Variants in CCDC3 observed in about 807,000 individuals in gnomAD.
CCDC3 encodes the protein coiled-coil domain-containing protein 3.
In CCDC3, 24 loss-of-function variants were observed where a neutral mutation model predicts 21.4. The ratio of observed to expected loss-of-function variants is 1.12; its 90% CI spans 0.81 to 1.58. CCDC3 has a LOEUF of 1.58. Ranked by LOEUF, CCDC3 falls within the 40% of genes most tolerant of loss-of-function variation. The probability of loss-of-function intolerance (pLI) is 0.00; values close to 1 mark genes in which losing one functional copy is unlikely to be tolerated. For synonymous variants in CCDC3, 186 were observed against 166.0 expected, an observed-to-expected ratio of 1.12 and a Z score of -0.93; for missense variants, 425 against 360.9, an observed-to-expected ratio of 1.18 and a Z score of -1.44.
intron 5 of CCDC3, among the ~76,000 whole-genome samples, chr10:13,023,857 T>G (rs555104144): frequency 1.3e-5 from 2 of 152,118 alleles, no homozygotes; most frequent in East Asian, 3.9e-4. Context: ...ACTAAAGAGG[T>G]GTGTTTTCTG....
intron 2 of CCDC3, among the ~76,000 whole-genome samples, chr10:12,974,914 A>G (rs79822332): frequency 2.0e-5 from 3 of 152,314 alleles, no homozygotes; most frequent in Non-Finnish European, 4.4e-5. Flanking sequence ...TATGCATTAG[A>G]GACTCACAGT....
At chr10:13,083,221 G>A (rs1018288762) in intron 3 of CCDC3, among the ~76,000 whole-genome samples, 1 of 152,172 alleles carries the variant, frequency 6.6e-6, no homozygotes, top group Non-Finnish European at 1.5e-5. Context: ...CAAACAATTA[G>A]AGCAGTACTT....
intron 2 of CCDC3, among the ~76,000 whole-genome samples, chr10:12,985,079 C>G (rs1345595059): frequency 2.0e-5 from 3 of 152,024 alleles, no homozygotes; most frequent in Non-Finnish European, 4.4e-5. Flanking sequence ...TTTTTTTACT[C>G]TACCCAAAAA....
chr10:12,946,413 AAACT>A (rs763840302), intron 2 of CCDC3, among the ~76,000 whole-genome samples: 17 of 152,352 alleles, frequency 1.1e-4, no homozygotes, highest in South Asian at 4.1e-4. Flanking sequence ...AACAAACTGA[AAACT>A]AACTAACTTA....
chr10:13,089,676 A>T (rs913711482), intron 3 of CCDC3, among the ~76,000 whole-genome samples: 7 of 151,864 alleles, frequency 4.6e-5, no homozygotes, highest in East Asian at 1.9e-4. Flanking sequence ...TTTTAAATTT[A>T]AATTTTAATT....
At chr10:12,904,887 C>T (rs2131197395) in intron 2 of CCDC3, among the ~76,000 whole-genome samples, 1 of 152,050 alleles carries the variant, frequency 6.6e-6, no homozygotes, top group South Asian at 2.1e-4. Context: ...CAGAAAGTCC[C>T]CCCCAGTTAT....
chr10:13,060,150 G>GAAACA (rs72059794), intron 4 of CCDC3, among the ~76,000 whole-genome samples: 12 of 151,716 alleles, frequency 7.9e-5, no homozygotes, highest in African/African-American at 1.7e-4. Context: ...TGTTTCATCA[G>GAAACA]AAACAAAACA....
At chr10:13,071,837 T>G (rs965809172) in intron 4 of CCDC3, among the ~76,000 whole-genome samples, 1 of 152,134 alleles carries the variant, frequency 6.6e-6, no homozygotes, top group Non-Finnish European at 1.5e-5. Context: ...GGGACTCCTC[T>G]AAAAAACACC....
intron 2 of CCDC3, among the ~76,000 whole-genome samples, chr10:12,905,439 A>G (rs1588998160): frequency 6.6e-6 from 1 of 152,208 alleles, no homozygotes; most frequent in Non-Finnish European, 1.5e-5. Context: ...GCAGGTGGGA[A>G]TAGGATGGGT....
chr10:13,074,724 A>T (rs1376716655), intron 3 of CCDC3, among the ~76,000 whole-genome samples: 4 of 152,096 alleles, frequency 2.6e-5, no homozygotes, highest in African/African-American at 4.8e-5. Flanking sequence ...ACACACTCAC[A>T]TGAGTTCCCC....
chr10:12,984,313 A>G (rs79970078), intron 2 of CCDC3, among the ~76,000 whole-genome samples: 2,337 of 152,312 alleles, frequency 0.015, 63 homozygotes, highest in African/African-American at 0.053. Flanking sequence ...GATGCTCGAC[A>G]TCATGAGTCA....
At chr10:13,071,464 T>G (rs1387712713) in intron 4 of CCDC3, among the ~76,000 whole-genome samples, 1 of 152,168 alleles carries the variant, frequency 6.6e-6, no homozygotes, top group Non-Finnish European at 1.5e-5. Flanking sequence ...AAGCTTCCCA[T>G]TACACGGATA....
At position 12,989,504 on chromosome 10, in the gene CCDC3, C is replaced by G. The variant is rs111446686; in HGVS notation, c.549+8834G>C. ...TGGCACGATCTCAGCTCACTGCAAA[C>G]TCCACCTCCCGGGTTCAAGCGACTC... On this transcript the variant is annotated intron_variant, in intron 2 of 2. Coordinates refer to ENST00000378825, the MANE Select transcript of CCDC3 (RefSeq NM_031455.4). Among the ~76,000 whole-genome samples, 602 of 152,346 alleles carry G rather than the reference C, an allele frequency of 4.0e-3. 2 individuals are homozygous for G. Among genetic ancestry groups the G allele is most frequent in the African/African-American group, 0.014 (569 of 41,580 alleles).
chr10:12,972,938 G>A (rs1835364097), intron 2 of CCDC3, among the ~76,000 whole-genome samples: 1 of 152,234 alleles, frequency 6.6e-6, no homozygotes. Flanking sequence ...GACAGGCACG[G>A]TTTGAATCCC....
chr10:13,067,520 G>C (rs1464819239), intron 4 of CCDC3, among the ~76,000 whole-genome samples: 1 of 152,118 alleles, frequency 6.6e-6, no homozygotes, highest in Non-Finnish European at 1.5e-5. Context: ...AGTCTTGTGG[G>C]CTTTGCATGA....
At chr10:13,090,474 C>A (rs527369843) in intron 3 of CCDC3, among the ~76,000 whole-genome samples, 1 of 152,242 alleles carries the variant, frequency 6.6e-6, no homozygotes, top group South Asian at 2.1e-4. Context: ...AGAATTCAGC[C>A]CTTTTAGAGG....
At chr10:12,905,047 A>G (rs952465748) in intron 2 of CCDC3, among the ~76,000 whole-genome samples, 1 of 152,152 alleles carries the variant, frequency 6.6e-6, no homozygotes, top group Non-Finnish European at 1.5e-5. Context: ...ACGTATAAAG[A>G]CAAGACAAAG....
At chr10:13,016,966 C>T (rs543459022) in intron 5 of CCDC3, among the ~76,000 whole-genome samples, 3 of 152,068 alleles carry the variant, frequency 2.0e-5, no homozygotes, top group South Asian at 2.1e-4. Flanking sequence ...AACAAGGGAC[C>T]GAACTCTAGA....
chr10:12,946,789 C>T (rs563531090), intron 2 of CCDC3, among the ~76,000 whole-genome samples: 3 of 152,214 alleles, frequency 2.0e-5, no homozygotes, highest in South Asian at 2.1e-4. Flanking sequence ...TGCCTTTTCC[C>T]TCCTTTAATC....
Sources: allele counts gnomAD v4.1 joint callset (sites outside exome capture counted in the v4.1 genomes callset), GRCh38; gene constraint gnomAD v4.1.1; transcripts MANE v1.5; gene names NCBI Gene and HGNC (gene_info 2026-07-23, HGNC 2026-07-21).